The following ZNF473 variants were observed in gnomAD, a reference collection of about 807,000 sequenced individuals.
ZNF473 encodes zinc finger protein 100 homolog.
In ZNF473, 4 loss-of-function variants were observed where a neutral mutation model predicts 11.1. That is an observed-to-expected ratio of 0.36 (90% CI 0.18 to 0.82). The LOEUF (loss-of-function observed/expected upper bound fraction) is 0.82. ZNF473 is among the 40% of genes least tolerant of loss of function. The pLI is 0.49. For missense variants in ZNF473, 854 were observed against 1,084.0 expected, an observed-to-expected ratio of 0.79 and a Z score of 2.98; for synonymous variants, 404 against 390.4, an observed-to-expected ratio of 1.03 and a Z score of -0.41.
At position 50,045,182 on chromosome 19, in the gene ZNF473, G is replaced by C. The variant is rs748312194; in HGVS notation, c.739G>C (p.Asp247His). The C allele has an allele frequency of 6.2e-7, 1 of 1,614,162 alleles. No individual in the cohort carries two copies. Among genetic ancestry groups the C allele is most frequent in the Admixed American group, 1.7e-5 (1 of 60,024 alleles). The change falls in exon 5 of 5, where the codon GAC (aspartate) becomes CAC (histidine). Residue 247 changes from aspartate to histidine, a missense_variant. By Grantham distance (81) the Asp-to-His change is moderately conservative (BLOSUM62 -1). Around this residue, in one of 2 missense-constraint regions of ZNF473, gnomAD observed 668 missense variants for 790.2 expected, o/e 0.85. Transcript: ENST00000270617. Reference sequence around the variant, plus strand: ...CCATCAAGAGTGTGAGCAAGGTTTTGACCGGAATGCTTCCCTTTCTGTGTA... The same window carrying C: ...CCATCAAGAGTGTGAGCAAGGTTTTCACCGGAATGCTTCCCTTTCTGTGTA... ...TVHQECEQGFDRNASLSVYPK... is the reference protein window; with the variant it reads ...TVHQECEQGFHRNASLSVYPK...
chr19:50,027,017 G>T (rs1387722900), intron 1 of ZNF473, among the ~76,000 whole-genome samples: 3 of 152,120 alleles, frequency 2.0e-5, no homozygotes, highest in Admixed American at 2.0e-4. Flanking sequence ...TGTGTGCCAG[G>T]CGCCCTGCTG....
intron 2 of ZNF473, among the ~76,000 whole-genome samples, chr19:50,035,920 C>T (rs191002121): frequency 1.3e-4 from 20 of 152,240 alleles, no homozygotes; most frequent in Admixed American, 3.3e-4. Context: ...GCCACCCCAC[C>T]ACCTACTCAC....
intron 2 of ZNF473, among the ~76,000 whole-genome samples, chr19:50,036,316 T>TTTTTTTTTC (rs1978435336): frequency 7.1e-6 from 1 of 140,774 alleles, no homozygotes. Context: ...GGTGGGGCCT[T>TTTTTTTTTC]TTTTTTTTTT....
At chr19:50,034,880 G>GC (rs1427553139) in intron 2 of ZNF473, among the ~76,000 whole-genome samples, 1 of 152,106 alleles carries the variant, frequency 6.6e-6, no homozygotes, top group Non-Finnish European at 1.5e-5. Context: ...AATCTCTTGT[G>GC]CCCCCTGTTT....
intron 2 of ZNF473, among the ~76,000 whole-genome samples, chr19:50,036,314 C>CTTTTTTTTTTTTTT (rs35619461): frequency 9.2e-6 from 1 of 108,772 alleles, no homozygotes; most frequent in African/African-American, 4.0e-5. Context: ...GAGGTGGGGC[C>CTTTTTTTTTTTTTT]TTTTTTTTTT....
chr19:50,045,380 ACT>A lies in ZNF473; in HGVS notation c.939_940del (p.Thr315ArgfsTer2), dbSNP rs1270035399. On this transcript the variant is annotated frameshift_variant, in exon 5 of 5. Transcript: ENST00000270617. LOFTEE classifies it low-confidence loss of function (END_TRUNC). ...CACACAGCCTGGTGAGCATCAGAAA[ACT>A]CACACAGATAGTAAGTCCTACAACT... ...HDTQPGEHQK[T>X]HTDSKSYNCN... 6.2e-7 allele frequency: 1 copy of A among 1,614,108 alleles called. No homozygotes were observed.
At chr19:50,033,424 C>T (rs1385587234) in intron 2 of ZNF473, among the ~76,000 whole-genome samples, 3 of 151,996 alleles carry the variant, frequency 2.0e-5, no homozygotes, top group Admixed American at 6.6e-5. Flanking sequence ...ATTGTATGGT[C>T]TCTGTCTTTA....
Position 50,045,073 on chromosome 19 carries a change from A to G in ZNF473, c.630A>G (p.Gln210=), listed in dbSNP as rs1568410606. The G allele has an allele frequency of 1.2e-6, 2 of 1,614,208 alleles. No individual in the cohort carries two copies. The highest frequency in any genetic ancestry group is 4.5e-5 in the East Asian group (2 of 44,886). The change falls in exon 5 of 5, where the codon CAA becomes CAG. Residue 210 remains glutamine, a synonymous_variant. Coordinates refer to ENST00000270617, the MANE Select transcript of ZNF473 (RefSeq NM_015428.4). Reference sequence around the variant, plus strand: ...TTCAGGAAGGGGAGAAACCATATCAATGTAGTGAATGTGGGAAAAGCTTCA... The same window carrying G: ...TTCAGGAAGGGGAGAAACCATATCAGTGTAGTGAATGTGGGAAAAGCTTCA... The part of the protein sequence containing the change: ...DSVQEGEKPY[Q]CSECGKSFSG...
chr19:50,028,664 G>A (rs1024494082), intron 1 of ZNF473, among the ~76,000 whole-genome samples: 1 of 152,106 alleles, frequency 6.6e-6, no homozygotes, highest in Non-Finnish European at 1.5e-5. Context: ...AACTAACTTC[G>A]TGGGATGTAG....
intron 2 of ZNF473, among the ~76,000 whole-genome samples, chr19:50,034,577 AT>A (rs2077335293): frequency 6.6e-6 from 1 of 151,906 alleles, no homozygotes; most frequent in Non-Finnish European, 1.5e-5. Flanking sequence ...AAGTAACCTG[AT>A]TTTTATGATT....
At chr19:50,031,220 C>A in intron 2 of ZNF473, 129 bp downstream of exon 2, 1 of 1,321,728 alleles carries the variant, frequency 7.6e-7, no homozygotes. Context: ...GAAAGCTGGC[C>A]TTCCTTTGTT....
chr19:50,043,910 A>T (rs922878776), intron 4 of ZNF473, among the ~76,000 whole-genome samples: 1 of 152,112 alleles, frequency 6.6e-6, no homozygotes, highest in African/African-American at 2.4e-5. Flanking sequence ...AGCATGAGGG[A>T]CCATTAAAGG....
chr19:50,032,184 G>A (rs545169667), intron 2 of ZNF473, among the ~76,000 whole-genome samples: 1 of 149,774 alleles, frequency 6.7e-6, no homozygotes, highest in East Asian at 2.0e-4. Context: ...CTTCATCACT[G>A]TGACAGGGGC....
Position 50,046,773 on chromosome 19 carries a change from G to C in ZNF473, c.2330G>C (p.Arg777Pro), listed in dbSNP as rs765330556. 1.2e-6 allele frequency: 2 copies of C among 1,613,998 alleles called. No individual in the cohort carries two copies. Among genetic ancestry groups the C allele is most frequent in the Non-Finnish European group, 1.7e-6 (2 of 1,180,016 alleles). ...CAGAGCTCATGCCTTTCTATTCACC[G>C]GAGAGTTCACACTGGGGAGAAGCCC... The part of the protein sequence containing the change: ...FTQSSCLSIH[R>P]RVHTGEKPYR... The change falls in exon 5 of 5, where the codon CGG becomes CCG. Residue 777 changes from arginine to proline, a missense_variant. Around this residue, in one of 2 missense-constraint regions of ZNF473, gnomAD observed 186 missense variants for 293.8 expected, o/e 0.63. Transcript: ENST00000270617. The surrounding 1 kb of genome is among the most constrained non-coding windows in gnomAD (Gnocchi z 5.9).
Position 50,045,950 on chromosome 19 carries a change from G to C in ZNF473, c.1507G>C (p.Val503Leu), listed in dbSNP as rs772311104. The change falls in exon 5 of 5, where the codon GTG becomes CTG. Residue 503 changes from valine to leucine, a missense_variant. Transcript: ENST00000270617. Reference sequence around the variant, plus strand: ...GACTTTCAGCGATAACAATCGCCTTGTGCAACACCAGAAAATGCACACTGT... The same window carrying C: ...GACTTTCAGCGATAACAATCGCCTTCTGCAACACCAGAAAATGCACACTGT... ...KETFSDNNRL[V>L]QHQKMHTVKT... is the part of the protein sequence containing the mutation. 3 of 1,614,152 alleles carry C rather than the reference G, an allele frequency of 1.9e-6. No individual in the cohort carries two copies. In the South Asian group the frequency reaches 3.3e-5, roughly 18 times the overall value.
intron 1 of ZNF473, among the ~76,000 whole-genome samples, chr19:50,029,245 C>T (rs283521): frequency 0.019 from 2,851 of 152,300 alleles, 31 homozygotes; most frequent in Middle Eastern, 0.027. Context: ...CGGGTTCACA[C>T]CATTCTCTCG....
At chr19:50,032,603 C>T (rs1004975885) in intron 2 of ZNF473, among the ~76,000 whole-genome samples, 3 of 152,172 alleles carry the variant, frequency 2.0e-5, no homozygotes, top group African/African-American at 4.8e-5. Flanking sequence ...TTCCTGCCCT[C>T]ATGAAGCTTA....
intron 2 of ZNF473, among the ~76,000 whole-genome samples, chr19:50,035,382 C>G (rs1202930418): frequency 6.6e-6 from 1 of 151,416 alleles, no homozygotes; most frequent in Non-Finnish European, 1.5e-5. Flanking sequence ...CTTTTATTTG[C>G]TAGTTTTCAC....
chr19:50,026,643 G>A (rs1209490841), intron 1 of ZNF473, among the ~76,000 whole-genome samples: 4 of 151,826 alleles, frequency 2.6e-5, no homozygotes, highest in Non-Finnish European at 5.9e-5. Flanking sequence ...GCTAGCCTGG[G>A]CCAGATGGTG....
Sources: allele counts gnomAD v4.1 joint callset (sites outside exome capture counted in the v4.1 genomes callset), GRCh38; gene constraint gnomAD v4.1.1; regional missense constraint gnomAD v4.1.1; non-coding constraint Gnocchi (gnomAD v3.1); transcripts MANE v1.5; gene names NCBI Gene and HGNC (gene_info 2026-07-23, HGNC 2026-07-21).